The following SLC4A4 variants were observed in gnomAD, a reference collection of about 807,000 sequenced individuals.
The protein encoded by SLC4A4 is solute carrier family 4 member 4, also known as electrogenic sodium bicarbonate cotransporter 1.
SLC4A4 carries 27 observed loss-of-function variants against 111.5 expected under a neutral mutation model. That is an observed-to-expected ratio of 0.24 (90% CI 0.18 to 0.33). The LOEUF (loss-of-function observed/expected upper bound fraction) is 0.33, where lower values mean the gene tolerates loss of function less well. SLC4A4 is among the 10% of genes least tolerant of loss of function. The pLI, the probability that SLC4A4 is intolerant of heterozygous loss-of-function variation, is 1.00. For synonymous variants in SLC4A4, 443 were observed against 463.4 expected (o/e 0.96, Z 0.57); for missense variants, 909 against 1,315.5 (o/e 0.69, Z 4.78).
rs376620011 is a variant in SLC4A4 at position 71,324,062 on chromosome 4, T to G, written c.254-15308T>G. Among the ~76,000 whole-genome samples, 7 of 152,036 alleles carry G rather than the reference T, an allele frequency of 4.6e-5. No individual in the cohort carries two copies. In the East Asian group the frequency reaches 1.4e-3, roughly 29 times the overall value. ...AGAATCAATATGTGTGAAACATCCC[T>G]TGGGGACCCAGCAAATTCTTGGGAT... On this transcript the variant is annotated intron_variant, in intron 3 of 25. Coordinates refer to ENST00000264485, the MANE Select transcript of SLC4A4 (RefSeq NM_001098484.3).
chr4:71,377,129 C>T (rs1166586081), intron 6 of SLC4A4, among the ~76,000 whole-genome samples: 3 of 152,080 alleles, frequency 2.0e-5, no homozygotes, highest in Non-Finnish European at 4.4e-5. Context: ...TAATGTAACA[C>T]GTATTGATAG....
chr4:71,504,275 C>T (rs1381873737), intron 16 of SLC4A4, among the ~76,000 whole-genome samples: 1 of 152,102 alleles, frequency 6.6e-6, no homozygotes, highest in African/African-American at 2.4e-5. Context: ...TCTTCTTTCA[C>T]TGTCACACAT....
At chr4:71,245,448 A>G (rs1720587127) in intron 2 of SLC4A4, among the ~76,000 whole-genome samples, 1 of 152,118 alleles carries the variant, frequency 6.6e-6, no homozygotes, top group East Asian at 1.9e-4. Flanking sequence ...GAGTGGGGAC[A>G]AAAAAGATGG....
chr4:71,255,253 C>T lies in SLC4A4; in HGVS notation c.107C>T (p.Pro36Leu), dbSNP rs1231291191. The T allele has an allele frequency of 3.1e-6, 5 of 1,613,002 alleles. No individual in the cohort carries two copies. Among genetic ancestry groups the T allele is most frequent in the Admixed American group, 3.3e-5 (2 of 59,934 alleles). The stretch of plus-strand genomic sequence containing the variant: ...ACCATTTACATCGGAGTCCATGTGC[C>T]GAAGAGTTACAGGAGAAGGAGACGT... ...HHTIYIGVHV[P>L]KSYRRRRRHK... is the part of the protein sequence containing the mutation. Residue 36 changes from proline (P) to leucine (L), a missense_variant, in exon 3 of 26, where the codon CCG becomes CTG. Pro to Leu is a moderately conservative substitution (Grantham distance 98). This residue lies in a region of SLC4A4 where 117 missense variants were observed against 154.2 expected (regional missense o/e 0.76). Coordinates refer to ENST00000264485, the MANE Select transcript of SLC4A4 (RefSeq NM_001098484.3).
At chr4:71,445,086 A>G (rs1432117933) in intron 8 of SLC4A4, among the ~76,000 whole-genome samples, 1 of 152,240 alleles carries the variant, frequency 6.6e-6, no homozygotes, top group Non-Finnish European at 1.5e-5. Flanking sequence ...TTACTGAACC[A>G]ATATAATTCT....
At chr4:71,506,880 G>A (rs1319326575) in intron 16 of SLC4A4, among the ~76,000 whole-genome samples, 1 of 152,108 alleles carries the variant, frequency 6.6e-6, no homozygotes. Context: ...AAGCCCATGA[G>A]ACCAACAGTG....
intron 17 of SLC4A4, 90 bp from the exon 18 acceptor site, chr4:71,534,137 T>C (rs1407925415): frequency 9.4e-7 from 1 of 1,067,134 alleles, no homozygotes; most frequent in Non-Finnish European, 1.4e-6. Flanking sequence ...GTTATCCAAA[T>C]ATAAAAGCAT....
chr4:71,481,294 T>G (rs1728860149), intron 14 of SLC4A4, among the ~76,000 whole-genome samples: 1 of 151,752 alleles, frequency 6.6e-6, no homozygotes, highest in Admixed American at 6.6e-5. Flanking sequence ...CAGTTGTTGC[T>G]TACACTTGAC....
At chr4:71,407,321 T>C (rs1720951564) in intron 7 of SLC4A4, among the ~76,000 whole-genome samples, 1 of 152,210 alleles carries the variant, frequency 6.6e-6, no homozygotes, top group East Asian at 1.9e-4. Context: ...CAATGTTATG[T>C]GCTGATACTC....
At chr4:71,315,156 T>C (rs1726579854) in intron 3 of SLC4A4, among the ~76,000 whole-genome samples, 1 of 152,160 alleles carries the variant, frequency 6.6e-6, no homozygotes, top group South Asian at 2.1e-4. Flanking sequence ...CTGACTTCTT[T>C]TAGGTTTCTT....
chr4:71,367,647 C>G (rs564966884), intron 6 of SLC4A4, among the ~76,000 whole-genome samples: 2 of 152,134 alleles, frequency 1.3e-5, no homozygotes, highest in South Asian at 4.1e-4. Flanking sequence ...TTTCATTTTT[C>G]TTAGTGCAAT....
intron 17 of SLC4A4, among the ~76,000 whole-genome samples, chr4:71,533,453 T>C (rs1214996204): frequency 3.9e-5 from 6 of 152,134 alleles, no homozygotes; most frequent in Non-Finnish European, 8.8e-5. Flanking sequence ...AGAAAATAAT[T>C]CACAGTGTTC....
At chr4:71,112,544 A>G (rs1415656796) in intron 2 of SLC4A4, among the ~76,000 whole-genome samples, 1 of 152,216 alleles carries the variant, frequency 6.6e-6, no homozygotes, top group Admixed American at 6.5e-5. Flanking sequence ...GGAAAAAGAT[A>G]TTGTGTGCAT....
Position 71,447,688 on chromosome 4 carries a change from C to G in SLC4A4, c.1008C>G (p.Ser336=). The change falls in exon 9 of 26, where the codon TCC becomes TCG. Residue 336 remains serine (S), a synonymous_variant. Transcript: ENST00000264485. The part of the protein sequence containing the change: ...ILLGPKGKAK[S]YHEIGRAIAT... ...TAGGTCCTAAGGGGAAAGCCAAGTC[C>G]TACCACGAGATTGGCAGAGCCATTG... 6.2e-7 allele frequency: 1 copy of G among 1,613,264 alleles called. No homozygotes were observed. Among genetic ancestry groups the G allele is most frequent in the Non-Finnish European group, 8.5e-7 (1 of 1,179,400 alleles).
At chr4:71,134,435 A>T (rs997620419) in intron 2 of SLC4A4, among the ~76,000 whole-genome samples, 1 of 152,216 alleles carries the variant, frequency 6.6e-6, no homozygotes, top group African/African-American at 2.4e-5. Context: ...TGTCTACACC[A>T]GTTTTCCTGT....
At chr4:71,274,731 C>T (rs1694082470) in intron 3 of SLC4A4, among the ~76,000 whole-genome samples, 1 of 152,104 alleles carries the variant, frequency 6.6e-6, no homozygotes. Context: ...GACTTTTGGA[C>T]ACTTCGTTTA....
chr4:71,504,573 C>A lies in SLC4A4; in HGVS notation c.2166+6881C>A, dbSNP rs530241680. 1.3e-4 allele frequency among the ~76,000 whole-genome samples: 19 copies of A among 147,302 alleles called. No homozygotes were observed. The South Asian group carries it at 4.1e-3, about 31-fold the overall frequency. On this transcript the variant is annotated intron_variant, in intron 16 of 25. Transcript: ENST00000264485. ...TTGTATTCTATAGTATCTCTCTGAG[C>A]TTCTTTAAGATCATTATTTTGAATT...
At chr4:71,311,118 G>C (rs540007019) in intron 3 of SLC4A4, among the ~76,000 whole-genome samples, 134 of 152,312 alleles carry the variant, frequency 8.8e-4, no homozygotes, top group Non-Finnish European at 9.1e-4. Context: ...TAATGGTAAA[G>C]GGATCAATGC....
chr4:71,395,923 A>G (rs1461504651), intron 6 of SLC4A4, among the ~76,000 whole-genome samples: 1 of 152,152 alleles, frequency 6.6e-6, no homozygotes, highest in African/African-American at 2.4e-5. Flanking sequence ...AGATTTATTC[A>G]CTTATTCAGG....
Sources: gnomAD v4.1 joint callset for allele counts (sites outside exome capture counted in the v4.1 genomes callset) on GRCh38, gnomAD v4.1.1 for gene constraint, gnomAD v4.1.1 regional missense constraint, MANE v1.5 for transcripts, NCBI Gene and HGNC (gene_info 2026-07-23, HGNC 2026-07-21) for gene names.